The following INVS variants were observed in gnomAD, a reference collection of about 807,000 sequenced individuals.
The protein encoded by INVS is inversion of embryo turning homolog.
INVS carries 86 observed loss-of-function variants against 108.8 expected under a neutral mutation model. The observed-to-expected ratio is 0.79, with a 90% CI of 0.66 to 0.95. The LOEUF (loss-of-function observed/expected upper bound fraction) is 0.95. INVS is among the 40% of genes least tolerant of loss of function. INVS has a pLI of 0.00. For missense variants in INVS, 1,169 were observed against 1,297.4 expected, an observed-to-expected ratio of 0.90 and a Z score of 1.52; for synonymous variants, 455 against 473.5, an observed-to-expected ratio of 0.96 and a Z score of 0.51.
intron 3 of INVS, chr9:100,129,634 AT>A (rs1228599504): frequency 1.6e-6 from 1 of 636,730 alleles, no homozygotes; most frequent in Non-Finnish European, 2.9e-6. Flanking sequence ...TGTCAAAAAA[AT>A]CTGTAAAAAC....
chr9:100,164,674 T>C (rs74812898), intron 3 of INVS, among the ~76,000 whole-genome samples: 3,966 of 152,196 alleles, frequency 0.026, 71 homozygotes, highest in Non-Finnish European at 0.038. Context: ...ATAGTACTTT[T>C]CAAAAAATGT....
chr9:100,199,687 G>C (rs1051386306), intron 3 of INVS, among the ~76,000 whole-genome samples: 2 of 152,084 alleles, frequency 1.3e-5, no homozygotes, highest in African/African-American at 4.8e-5. Flanking sequence ...CATCATCCCT[G>C]TTGTTCCTAT....
At chr9:100,265,056 C>T (rs1329981694) in intron 11 of INVS, 128 bp downstream of exon 11, 2 of 695,110 alleles carry the variant, frequency 2.9e-6, no homozygotes, top group African/African-American at 3.6e-5. Context: ...AATTCTTCTC[C>T]TTCAGCCTCC....
At chr9:100,182,713 C>T (rs1168268459) in intron 3 of INVS, among the ~76,000 whole-genome samples, 3 of 152,160 alleles carry the variant, frequency 2.0e-5, no homozygotes, top group Non-Finnish European at 2.9e-5. Context: ...TTTGTGAAGA[C>T]AGTGTGGCGA....
intron 7 of INVS, 91 bp downstream of exon 7, chr9:100,242,770 C>A: frequency 5.1e-6 from 4 of 785,182 alleles, no homozygotes; most frequent in Non-Finnish European, 9.2e-6. Flanking sequence ...GGAAATAATA[C>A]AACAAGATTG....
intron 12 of INVS, among the ~76,000 whole-genome samples, chr9:100,275,068 T>A (rs1271334857): frequency 2.6e-5 from 4 of 152,154 alleles, no homozygotes; most frequent in African/African-American, 9.6e-5. Context: ...GCTACTGAAG[T>A]AGATGGCATC....
chr9:100,126,651 C>A, intron 3 of INVS, 102 bp downstream of exon 3: 1 of 1,094,326 alleles, frequency 9.1e-7, no homozygotes, highest in Non-Finnish European at 1.4e-6. Flanking sequence ...GTCTCAAATG[C>A]ATGACTCATA....
intron 3 of INVS, among the ~76,000 whole-genome samples, chr9:100,180,345 T>A (rs1037861221): frequency 1.6e-3 from 58 of 37,206 alleles, no homozygotes; most frequent in African/African-American, 8.9e-3. Context: ...CAGGAGCTGG[T>A]TTTTTTTTAA....
chr9:100,110,429 T>G (rs573374224), intron 2 of INVS, among the ~76,000 whole-genome samples: 1 of 152,286 alleles, frequency 6.6e-6, no homozygotes, highest in East Asian at 1.9e-4. Context: ...GGGACCTCAA[T>G]GTATGGGTAG....
intron 2 of INVS, among the ~76,000 whole-genome samples, chr9:100,119,980 T>C (rs1827673833): frequency 6.6e-6 from 1 of 152,260 alleles, no homozygotes; most frequent in Non-Finnish European, 1.5e-5. Context: ...ATAATTCAAA[T>C]TTTTAAAAAC....
chr9:100,266,006 G>A (rs1225345870), intron 11 of INVS, among the ~76,000 whole-genome samples: 1 of 152,182 alleles, frequency 6.6e-6, no homozygotes, highest in Non-Finnish European at 1.5e-5. Context: ...TTGAACCCAG[G>A]AGGCGGAGGT....
intron 11 of INVS, among the ~76,000 whole-genome samples, chr9:100,268,815 C>T (rs1832866844): frequency 6.6e-6 from 1 of 151,970 alleles, no homozygotes; most frequent in South Asian, 2.1e-4. Flanking sequence ...AACAAAAGCC[C>T]AGAGAAGTTA....
chr9:100,248,760 C>T lies in INVS; in HGVS notation c.1078+1973C>T, dbSNP rs1483720719. Among the ~76,000 whole-genome samples, 3 of 152,162 alleles carry T rather than the reference C, an allele frequency of 2.0e-5. No homozygotes were observed. The East Asian group carries it at 5.8e-4, about 29-fold the overall frequency. On this transcript the variant is annotated intron_variant, in intron 8 of 16. Coordinates refer to ENST00000262457, the MANE Select transcript of INVS (RefSeq NM_014425.5). ...TGTAAATCACATTTCCCCTTTGCCA[C>T]AGGTGCTCTTTTAGAGTCCACCAAT...
intron 3 of INVS, among the ~76,000 whole-genome samples, chr9:100,206,778 T>A (rs1830688786): frequency 6.6e-6 from 1 of 152,180 alleles, no homozygotes; most frequent in South Asian, 2.1e-4. Context: ...ATTCAATCAT[T>A]TATGTCTTTT....
At position 100,292,664 on chromosome 9, in the gene INVS, T is replaced by G; in HGVS notation, c.2407T>G (p.Cys803Gly). 1 of 1,613,896 alleles carries G rather than the reference T, an allele frequency of 6.2e-7. No individual in the cohort carries two copies. The highest frequency in any genetic ancestry group is 8.5e-7 in the Non-Finnish European group (1 of 1,179,918). Residue 803 changes from cysteine (C) to glycine (G), a missense_variant, in exon 14 of 17, where the codon TGC becomes GGC. Physicochemically the swap from Cys to Gly is radical, Grantham distance 159 (BLOSUM62 -3). Around this residue, in one of 3 missense-constraint regions of INVS, gnomAD observed 533 missense variants for 536.0 expected, o/e 0.99. Coordinates refer to ENST00000262457, the MANE Select transcript of INVS (RefSeq NM_014425.5). ...CACTCAAGAGCTCAGAGGAGGAAGG[T>G]GCTCTCCGGCTGGTTCTAGCCGCCC... ...RRTQELRGGR[C>G]SPAGSSRPGS... is the part of the protein sequence containing the mutation.
intron 2 of INVS, chr9:100,117,474 T>C (rs1253858684): frequency 2.6e-6 from 2 of 781,914 alleles, no homozygotes; most frequent in Non-Finnish European, 4.5e-6. Flanking sequence ...TCCTCGGCCT[T>C]GCCTTCTCGA....
chr9:100,227,849 G>GT (rs1255668388), intron 4 of INVS, among the ~76,000 whole-genome samples: 1 of 152,096 alleles, frequency 6.6e-6, no homozygotes, highest in African/African-American at 2.4e-5. Context: ...ATCGATCTTT[G>GT]TAGCCAAGGA....
chr9:100,145,488 G>C (rs904007823), intron 3 of INVS, among the ~76,000 whole-genome samples: 1 of 151,936 alleles, frequency 6.6e-6, no homozygotes, highest in African/African-American at 2.4e-5. Context: ...TAAGAGGTTG[G>C]GGCATGGAAA....
intron 12 of INVS, among the ~76,000 whole-genome samples, chr9:100,274,538 G>A (rs902233871): frequency 2.0e-5 from 3 of 151,996 alleles, no homozygotes; most frequent in South Asian, 2.1e-4. Context: ...ACAGTCTCTC[G>A]CTGTCACTCA....
Sources: gnomAD v4.1 joint callset for allele counts (sites outside exome capture counted in the v4.1 genomes callset) on GRCh38, gnomAD v4.1.1 for gene constraint, gnomAD v4.1.1 regional missense constraint, MANE v1.5 for transcripts, NCBI Gene and HGNC (gene_info 2026-07-23, HGNC 2026-07-21) for gene names.